TCERG1L: variants seen among roughly 807,000 people sequenced by gnomAD.
The protein encoded by TCERG1L is transcription elongation regulator 1 like.
Under a neutral mutation model 56.3 loss-of-function variants are expected in TCERG1L, and 37 were observed. The observed-to-expected ratio is 0.66, with a 90% CI of 0.51 to 0.87. The LOEUF (loss-of-function observed/expected upper bound fraction) is 0.87. TCERG1L is among the 40% of genes least tolerant of loss of function. TCERG1L has a pLI of 0.00. For missense variants in TCERG1L, 799 were observed against 774.2 expected (o/e 1.03, Z -0.38); for synonymous variants, 324 against 326.3 (o/e 0.99, Z 0.08).
intron 4 of TCERG1L, among the ~76,000 whole-genome samples, chr10:131,258,190 G>C (rs901490405): frequency 2.6e-5 from 4 of 152,158 alleles, no homozygotes; most frequent in Non-Finnish European, 4.4e-5. Flanking sequence ...CTGGGCATTC[G>C]CTGAGACTGC....
chr10:131,157,864 G>A (rs1327431533), intron 6 of TCERG1L, among the ~76,000 whole-genome samples: 1 of 152,186 alleles, frequency 6.6e-6, no homozygotes, highest in Non-Finnish European at 1.5e-5. Flanking sequence ...AGTAGAATGT[G>A]GAATAGGTTT....
At chr10:131,230,153 C>A (rs1845833457) in intron 4 of TCERG1L, among the ~76,000 whole-genome samples, 1 of 152,202 alleles carries the variant, frequency 6.6e-6, no homozygotes, top group Non-Finnish European at 1.5e-5. Flanking sequence ...GGTGTCAGAC[C>A]ACCAAAGAGC....
intron 7 of TCERG1L, among the ~76,000 whole-genome samples, chr10:131,138,710 T>C (rs1444916250): frequency 2.0e-5 from 3 of 152,226 alleles, no homozygotes; most frequent in African/African-American, 7.2e-5. Flanking sequence ...TGCTTCATCA[T>C]TGCAGAGTTT....
chr10:131,262,621 G>C (rs1490969283), intron 3 of TCERG1L, among the ~76,000 whole-genome samples: 1 of 152,198 alleles, frequency 6.6e-6, no homozygotes, highest in Non-Finnish European at 1.5e-5. Flanking sequence ...TGGTGGGTTT[G>C]TTACAGTTCA....
At chr10:131,290,369 C>T (rs1052691881) in intron 3 of TCERG1L, among the ~76,000 whole-genome samples, 4 of 152,136 alleles carry the variant, frequency 2.6e-5, no homozygotes, top group Non-Finnish European at 4.4e-5. Context: ...TGGTGGCTCC[C>T]GCCTGTAATC....
chr10:131,183,075 A>T (rs1262374196), intron 4 of TCERG1L, among the ~76,000 whole-genome samples: 1 of 152,200 alleles, frequency 6.6e-6, no homozygotes, highest in East Asian at 1.9e-4. Context: ...TTGAAAGAAT[A>T]ATTCCTCTGC....
chr10:131,193,677 G>A (rs1422737271), intron 4 of TCERG1L, among the ~76,000 whole-genome samples: 1 of 152,150 alleles, frequency 6.6e-6, no homozygotes, highest in Non-Finnish European at 1.5e-5. Flanking sequence ...TCTGGCTTCT[G>A]TACTCTGTTC....
At chr10:131,252,047 G>A (rs147893092) in intron 4 of TCERG1L, among the ~76,000 whole-genome samples, 3 of 152,282 alleles carry the variant, frequency 2.0e-5, no homozygotes, top group Non-Finnish European at 4.4e-5. Flanking sequence ...ACTGACCATC[G>A]TGTCCTCAAG....
intron 4 of TCERG1L, among the ~76,000 whole-genome samples, chr10:131,231,491 G>C (rs939322725): frequency 6.6e-6 from 1 of 152,162 alleles, no homozygotes; most frequent in Non-Finnish European, 1.5e-5. Context: ...TGCAGCTGCC[G>C]TGGCACTGCC....
intron 4 of TCERG1L, among the ~76,000 whole-genome samples, chr10:131,256,993 G>GAAGGAAGGAAAGA: frequency 1.7e-5 from 1 of 59,998 alleles, no homozygotes; most frequent in African/African-American, 6.5e-5. Context: ...AGGAAGGAAG[G>GAAGGAAGGAAAGA]AAAGAAAGAA....
chr10:131,197,673 C>A (rs564058849), intron 4 of TCERG1L, among the ~76,000 whole-genome samples: 18 of 152,288 alleles, frequency 1.2e-4, no homozygotes, highest in African/African-American at 4.3e-4. Context: ...AAATTGAACA[C>A]GTGCATGCAG....
chr10:131,272,425 C>T (rs772532082), intron 3 of TCERG1L, among the ~76,000 whole-genome samples: 7 of 152,202 alleles, frequency 4.6e-5, no homozygotes, highest in Non-Finnish European at 7.4e-5. Flanking sequence ...TTTGAATGTG[C>T]CAAATAAATA....
At chr10:131,193,936 G>C (rs1200223274) in intron 4 of TCERG1L, among the ~76,000 whole-genome samples, 1 of 152,190 alleles carries the variant, frequency 6.6e-6, no homozygotes, top group Non-Finnish European at 1.5e-5. Context: ...AGCCCCCACA[G>C]GGGGATTATG....
At position 131,210,657 on chromosome 10, in the gene TCERG1L, C is replaced by T. The variant is rs527990565; in HGVS notation, c.857-43772G>A. On this transcript the variant is annotated intron_variant, in intron 4 of 11. Coordinates refer to ENST00000368642, the MANE Select transcript of TCERG1L (RefSeq NM_174937.4). ...CATGTCTTGAGCTGTCCCGCAGGCC[C>T]GCCCTACTGGATTCAGCCCTCATCT... Among the ~76,000 whole-genome samples, 12 of 152,248 alleles carry T rather than the reference C, an allele frequency of 7.9e-5. No individual in the cohort carries two copies. The South Asian group carries it at 1.7e-3, about 21-fold the overall frequency.
intron 4 of TCERG1L, among the ~76,000 whole-genome samples, chr10:131,195,538 C>T (rs1845350923): frequency 6.6e-6 from 1 of 152,220 alleles, no homozygotes; most frequent in South Asian, 2.1e-4. Context: ...CAATCCCCCT[C>T]CCCTGTACCC....
intron 4 of TCERG1L, among the ~76,000 whole-genome samples, chr10:131,184,922 G>A (rs943152667): frequency 6.6e-6 from 1 of 152,190 alleles, no homozygotes; most frequent in African/African-American, 2.4e-5. Flanking sequence ...AGAAAGTCAT[G>A]TATACATACA....
chr10:131,183,868 G>C (rs984363412), intron 4 of TCERG1L, among the ~76,000 whole-genome samples: 1 of 152,232 alleles, frequency 6.6e-6, no homozygotes, highest in African/African-American at 2.4e-5. Context: ...GCTCCTTGGA[G>C]GTGGGTGTGG....
chr10:131,146,392 T>C, intron 7 of TCERG1L, 114 bp downstream of exon 7: 1 of 1,248,146 alleles, frequency 8.0e-7, no homozygotes, highest in Non-Finnish European at 1.1e-6. Context: ...ACAGGATTCC[T>C]TAATAGTCAA....
At chr10:131,274,277 G>A (rs781073242) in intron 3 of TCERG1L, among the ~76,000 whole-genome samples, 6 of 152,212 alleles carry the variant, frequency 3.9e-5, no homozygotes, top group Non-Finnish European at 7.3e-5. Context: ...CGCAGCCTTT[G>A]GGTGGCGGAT....
Sources: allele counts gnomAD v4.1 joint callset (sites outside exome capture counted in the v4.1 genomes callset), GRCh38; gene constraint gnomAD v4.1.1; transcripts MANE v1.5; gene names NCBI Gene and HGNC (gene_info 2026-07-23, HGNC 2026-07-21).